The following KSR2 variants were observed in gnomAD, a reference collection of about 807,000 sequenced individuals.
KSR2 encodes kinase suppressor of ras 2.
In KSR2, 25 loss-of-function variants were observed where a neutral mutation model predicts 107.8. That is an observed-to-expected ratio of 0.23 (90% CI 0.17 to 0.32). KSR2 has a LOEUF of 0.32. Among genes scored for constraint, KSR2 ranks in the 10% least tolerant of loss-of-function variants. The probability of loss-of-function intolerance (pLI) is 1.00; values close to 1 mark genes in which losing one functional copy is unlikely to be tolerated. For missense variants in KSR2, 887 were observed against 1,268.9 expected (o/e 0.70, Z 4.57); for synonymous variants, 480 against 507.0 (o/e 0.95, Z 0.71).
chr12:117,945,596 C>A (rs1896158085), intron 1 of KSR2, among the ~76,000 whole-genome samples: 1 of 152,124 alleles, frequency 6.6e-6, no homozygotes, highest in Non-Finnish European at 1.5e-5. Context: ...ATTACTTGAA[C>A]CTCGGAGGTA....
chr12:117,560,084 G>A (rs548391844), intron 7 of KSR2, among the ~76,000 whole-genome samples: 1 of 152,222 alleles, frequency 6.6e-6, no homozygotes, highest in East Asian at 1.9e-4. Context: ...ACTCAACATT[G>A]ATTCCTCCAA....
chr12:117,873,270 G>A (rs183627874), intron 1 of KSR2, among the ~76,000 whole-genome samples: 194 of 151,474 alleles, frequency 1.3e-3, no homozygotes, highest in African/African-American at 4.2e-3. Flanking sequence ...GCTTGAACCC[G>A]GGAGGCGGAG....
intron 4 of KSR2, among the ~76,000 whole-genome samples, chr12:117,714,221 G>A (rs1203507529): frequency 2.0e-5 from 3 of 152,052 alleles, no homozygotes; most frequent in African/African-American, 7.2e-5. Context: ...TCTTTCATGA[G>A]GCTGCAAATG....
intron 3 of KSR2, among the ~76,000 whole-genome samples, chr12:117,772,471 CAA>C (rs1186767892): frequency 1.4e-5 from 2 of 146,312 alleles, no homozygotes; most frequent in Non-Finnish European, 3.0e-5. Context: ...ACCATTCCCC[CAA>C]AGACGCACAC....
At chr12:117,829,370 TC>T (rs1273136138) in intron 3 of KSR2, among the ~76,000 whole-genome samples, 2 of 152,194 alleles carry the variant, frequency 1.3e-5, no homozygotes, top group African/African-American at 4.8e-5. Context: ...ATGCTCAGCC[TC>T]CAAAACACTG....
intron 1 of KSR2, among the ~76,000 whole-genome samples, chr12:117,947,205 A>AAAAGAAAGAAAG (rs773449400): frequency 0.021 from 1,444 of 69,086 alleles, 28 homozygotes; most frequent in East Asian, 0.036. Context: ...GAAAAGAAAG[A>AAAAGAAAGAAAG]AAAGAAAGAA....
chr12:117,547,507 T>C (rs1876960152), intron 9 of KSR2, among the ~76,000 whole-genome samples: 3 of 152,088 alleles, frequency 2.0e-5, no homozygotes, highest in Non-Finnish European at 4.4e-5. Context: ...CTCAGCCTTC[T>C]CTAACACCAG....
intron 7 of KSR2, among the ~76,000 whole-genome samples, chr12:117,564,675 G>T (rs1000143926): frequency 9.9e-5 from 15 of 152,136 alleles, no homozygotes; most frequent in African/African-American, 3.6e-4. Context: ...TATCTTGAGG[G>T]CAGAATCTAG....
intron 7 of KSR2, 111 bp downstream of exon 7, chr12:117,579,008 C>A: frequency 1.3e-6 from 1 of 787,504 alleles, no homozygotes; most frequent in South Asian, 1.5e-5. Context: ...ACAAAGCAAA[C>A]AACTCTCCCA....
chr12:117,871,965 T>C (rs1366213822), intron 1 of KSR2, among the ~76,000 whole-genome samples: 1 of 152,224 alleles, frequency 6.6e-6, no homozygotes, highest in Non-Finnish European at 1.5e-5. Flanking sequence ...TTTATTTTTC[T>C]ATAAGCCTGA....
At chr12:117,797,943 A>G (rs1324362354) in intron 3 of KSR2, among the ~76,000 whole-genome samples, 1 of 152,008 alleles carries the variant, frequency 6.6e-6, no homozygotes, top group Non-Finnish European at 1.5e-5. Flanking sequence ...GAACCACCAC[A>G]CCCAGCCTGT....
At chr12:117,804,976 C>T (rs577757906) in intron 3 of KSR2, among the ~76,000 whole-genome samples, 3 of 152,242 alleles carry the variant, frequency 2.0e-5, no homozygotes, top group East Asian at 1.9e-4. Context: ...ACTCAGCATC[C>T]GTGGAAGCCA....
Position 117,910,333 on chromosome 12 carries a change from CAA to C in KSR2, c.181-49904_181-49903del, listed in dbSNP as rs527524362. Among the ~76,000 whole-genome samples, 618 of 152,258 alleles carry C rather than the reference CAA, an allele frequency of 4.1e-3. 4 individuals are homozygous for C. Among genetic ancestry groups the C allele is most frequent in the South Asian group, 0.029 (139 of 4,822 alleles). On this transcript the variant is annotated intron_variant, in intron 1 of 19. Coordinates refer to ENST00000339824, the MANE Select transcript of KSR2 (RefSeq NM_173598.6). ...GCTTGCTAACCTTCTGCCTATTAACCAAGAGAGAGTGCCCATTTCCTCACTTG... is the reference window on the plus strand; with the variant it reads ...GCTTGCTAACCTTCTGCCTATTAACCGAGAGAGTGCCCATTTCCTCACTTG...
intron 4 of KSR2, among the ~76,000 whole-genome samples, chr12:117,752,565 A>G (rs975460403): frequency 6.6e-6 from 1 of 152,232 alleles, no homozygotes; most frequent in Non-Finnish European, 1.5e-5. Flanking sequence ...AATAGCAGTT[A>G]TAGTAGTTCT....
chr12:117,483,867 C>T (rs1324200757), intron 16 of KSR2, among the ~76,000 whole-genome samples: 3 of 152,150 alleles, frequency 2.0e-5, no homozygotes, highest in East Asian at 1.9e-4. Flanking sequence ...TTTATCCTCA[C>T]GAGAACTGAC....
intron 14 of KSR2, among the ~76,000 whole-genome samples, chr12:117,522,681 A>T (rs556889091): frequency 6.6e-6 from 1 of 152,268 alleles, no homozygotes; most frequent in South Asian, 2.1e-4. Context: ...TGCTCTGGCC[A>T]ACAGATGTAG....
At chr12:117,625,375 C>CCAT (rs1253945146) in intron 5 of KSR2, among the ~76,000 whole-genome samples, 1 of 152,050 alleles carries the variant, frequency 6.6e-6, no homozygotes, top group Non-Finnish European at 1.5e-5. Flanking sequence ...GAGATACGTC[C>CCAT]CATCATTACC....
chr12:117,904,075 AT>A (rs1894769195), intron 1 of KSR2, among the ~76,000 whole-genome samples: 1 of 152,182 alleles, frequency 6.6e-6, no homozygotes, highest in South Asian at 2.1e-4. Flanking sequence ...TAAAAAAAAA[AT>A]GAAGAAATCA....
At chr12:117,966,463 A>C (rs1474887302) in intron 1 of KSR2, among the ~76,000 whole-genome samples, 1 of 152,062 alleles carries the variant, frequency 6.6e-6, no homozygotes, top group Non-Finnish European at 1.5e-5. Context: ...AGGAAAGGCA[A>C]TACCTGTGCC....
Sources: allele counts gnomAD v4.1 joint callset (sites outside exome capture counted in the v4.1 genomes callset), GRCh38; gene constraint gnomAD v4.1.1; transcripts MANE v1.5; gene names NCBI Gene and HGNC (gene_info 2026-07-23, HGNC 2026-07-21).